Variants in OTUD7A observed in about 807,000 individuals in gnomAD.
OTUD7A encodes the protein OTU domain-containing protein 7A.
A neutral mutation model predicts 65.7 loss-of-function variants in OTUD7A; 12 were observed. The ratio of observed to expected loss-of-function variants is 0.18; its 90% confidence interval spans 0.12 to 0.30. The LOEUF is 0.30. Ranked by LOEUF, OTUD7A falls within the 10% of genes least tolerant of loss-of-function variation. OTUD7A has a pLI of 1.00. For synonymous variants in OTUD7A, 641 were observed against 586.3 expected (o/e 1.09, Z -1.35); for missense variants, 1,148 against 1,304.8 (o/e 0.88, Z 1.85).
At position 31,477,668 on chromosome 15, in the gene OTUD7A, C is replaced by T. The variant is rs997327580; in HGVS notation, c.*5626G>A. The T allele has an allele frequency of 3.9e-5, 6 of 152,190 alleles. No homozygotes were observed. Among genetic ancestry groups the T allele is most frequent in the African/African-American group, 4.8e-5 (2 of 41,440 alleles). 9.4% of individuals were successfully genotyped at this position (152,190 alleles called of 1,614,324 possible). ...AGTTTTCAATTTACTGATTTAATTT[C>T]CTTTTTTCAATAAATACTTATCCAG... is the stretch of plus-strand genomic sequence containing the variant. On this transcript the variant is annotated 3_prime_UTR_variant, in exon 13 of 13. Coordinates refer to ENST00000307050, the MANE Select transcript of OTUD7A (RefSeq NM_001382637.1).
At chr15:31,811,282 C>G (rs989845502) in intron 1 of OTUD7A, among the ~76,000 whole-genome samples, 1 of 151,652 alleles carries the variant, frequency 6.6e-6, no homozygotes, top group Non-Finnish European at 1.5e-5. Flanking sequence ...ATTATTGAGA[C>G]CTTTTGGTTG....
Position 31,762,017 on chromosome 15 carries a change from A to T in OTUD7A, c.-99-104940T>A, listed in dbSNP as rs1894978164. Among the ~76,000 whole-genome samples, 3 of 152,362 alleles carry T rather than the reference A, an allele frequency of 2.0e-5. No homozygotes were observed. In the South Asian group the frequency reaches 6.2e-4, roughly 32 times the overall value. Reference sequence around the variant, plus strand: ...GGGGCATGTGTGTAAGTCACTGGTAATGGGTAAGAATTTCTTTTTGGGGTA... The same window carrying T: ...GGGGCATGTGTGTAAGTCACTGGTATTGGGTAAGAATTTCTTTTTGGGGTA... On this transcript the variant is annotated intron_variant, in intron 1 of 12. Coordinates refer to ENST00000307050, the MANE Select transcript of OTUD7A (RefSeq NM_001382637.1).
chr15:31,517,486 G>A (rs1485630435), intron 8 of OTUD7A, among the ~76,000 whole-genome samples: 3 of 152,126 alleles, frequency 2.0e-5, no homozygotes, highest in East Asian at 3.9e-4. Context: ...CTGGCCACTG[G>A]GCAAAGACAT....
rs551944204 is a variant in OTUD7A at position 31,605,418 on chromosome 15, C to A, written c.152-35221G>T. ...CACATGGGACCACAGGCATTTGGCA[C>A]CTGAGTTCTCTCCTCTGAAACATCA... On this transcript the variant is annotated intron_variant, in intron 3 of 12. Transcript: ENST00000307050. Among the ~76,000 whole-genome samples the A allele has an allele frequency of 2.0e-5, 3 of 152,250 alleles. No individual in the cohort carries two copies. The East Asian group carries it at 5.8e-4, about 29-fold the overall frequency.
chr15:31,852,099 C>T (rs988912933), intron 1 of OTUD7A, among the ~76,000 whole-genome samples: 8 of 152,160 alleles, frequency 5.3e-5, no homozygotes, highest in African/African-American at 1.9e-4. Flanking sequence ...CCTCATGATC[C>T]GCCCTCCTTG....
At chr15:31,627,457 A>G (rs1371663933) in intron 3 of OTUD7A, among the ~76,000 whole-genome samples, 1 of 152,104 alleles carries the variant, frequency 6.6e-6, no homozygotes, top group East Asian at 1.9e-4. Flanking sequence ...TCCATGGTGT[A>G]TATGTACCAC....
intron 5 of OTUD7A, among the ~76,000 whole-genome samples, chr15:31,554,385 C>T (rs779585877): frequency 2.0e-5 from 3 of 152,174 alleles, no homozygotes; most frequent in Non-Finnish European, 2.9e-5. Flanking sequence ...ATTTGGCCGC[C>T]GTTACACATC....
intron 1 of OTUD7A, among the ~76,000 whole-genome samples, chr15:31,800,730 C>T (rs1228567816): frequency 6.6e-6 from 1 of 152,196 alleles, no homozygotes; most frequent in African/African-American, 2.4e-5. Flanking sequence ...GAAGGTGATA[C>T]TGCACCTAGT....
intron 5 of OTUD7A, among the ~76,000 whole-genome samples, chr15:31,540,787 T>C (rs1338073682): frequency 6.6e-6 from 1 of 152,194 alleles, no homozygotes; most frequent in African/African-American, 2.4e-5. Flanking sequence ...AAAAGGTACC[T>C]TTATACACCA....
intron 1 of OTUD7A, among the ~76,000 whole-genome samples, chr15:31,808,201 A>G (rs1327774926): frequency 6.6e-6 from 1 of 151,840 alleles, no homozygotes; most frequent in Non-Finnish European, 1.5e-5. Flanking sequence ...AAGAATTGAC[A>G]CTCCATCAGC....
intron 5 of OTUD7A, among the ~76,000 whole-genome samples, chr15:31,545,471 A>T (rs1888102043): frequency 6.6e-6 from 1 of 152,110 alleles, no homozygotes; most frequent in African/African-American, 2.4e-5. Context: ...AGTGAGTGAA[A>T]AGGGAACCAG....
rs763989435 is a variant in OTUD7A at position 31,484,203 on chromosome 15, G to A, written c.1893C>T (p.Ile631=). The A allele has an allele frequency of 2.1e-4, 335 of 1,608,924 alleles. 1 individual carries two copies. Among genetic ancestry groups the A allele is most frequent in the Non-Finnish European group, 2.6e-4 (306 of 1,179,020 alleles). ...GCTCCCCCTGCATGGCGGCGCGCAG[G>A]ATGTTGAGGCTCAGCTTCACATCCG... is the stretch of plus-strand genomic sequence containing the variant. The part of the protein sequence containing the change: ...YSTDVKLSLN[I]LRAAMQGERK... The change falls in exon 13 of 13, where the codon ATC becomes ATT. Residue 631 remains isoleucine, a synonymous_variant. Coordinates refer to ENST00000307050, the MANE Select transcript of OTUD7A (RefSeq NM_001382637.1). The surrounding 1 kb of genome is among the most constrained non-coding windows in gnomAD (Gnocchi z 4.5).
At chr15:31,528,777 G>A (rs2042049065) in intron 6 of OTUD7A, among the ~76,000 whole-genome samples, 1 of 152,268 alleles carries the variant, frequency 6.6e-6, no homozygotes, top group Admixed American at 6.5e-5. Context: ...TCAACGTCAG[G>A]CCAGGCCAAC....
At chr15:31,503,951 C>T in intron 8 of OTUD7A, 133 bp from the exon 9 acceptor site, 2 of 1,054,570 alleles carry the variant, frequency 1.9e-6, no homozygotes, top group Non-Finnish European at 2.7e-6. Flanking sequence ...GGCAGCTGCG[C>T]CATCCTGGGC....
At chr15:31,564,287 A>G (rs984670489) in intron 4 of OTUD7A, among the ~76,000 whole-genome samples, 3 of 152,064 alleles carry the variant, frequency 2.0e-5, no homozygotes, top group Admixed American at 1.3e-4. Flanking sequence ...TTAATCTACT[A>G]AATGAAAATT....
At chr15:31,764,633 TA>T (rs1895052821) in intron 1 of OTUD7A, among the ~76,000 whole-genome samples, 1 of 152,164 alleles carries the variant, frequency 6.6e-6, no homozygotes, top group East Asian at 1.9e-4. Flanking sequence ...TCTTGACACT[TA>T]TAAAAATGTT....
intron 1 of OTUD7A, among the ~76,000 whole-genome samples, chr15:31,731,176 G>A (rs1595732613): frequency 6.6e-6 from 1 of 152,060 alleles, no homozygotes; most frequent in Admixed American, 6.6e-5. Flanking sequence ...TTCTCTAAAG[G>A]GTGATCTCTT....
chr15:31,602,484 C>A (rs558131377), intron 3 of OTUD7A, among the ~76,000 whole-genome samples: 68 of 152,162 alleles, frequency 4.5e-4, no homozygotes, highest in African/African-American at 1.6e-3. Flanking sequence ...TATGACAAAC[C>A]CAGAGCTAAC....
chr15:31,626,942 C>G (rs1369855701), intron 3 of OTUD7A, among the ~76,000 whole-genome samples: 1 of 134,552 alleles, frequency 7.4e-6, no homozygotes, highest in African/African-American at 3.1e-5. Flanking sequence ...TTAAAGATTA[C>G]TTTATTGTTA....
Sources: gnomAD v4.1 joint callset for allele counts (sites outside exome capture counted in the v4.1 genomes callset) on GRCh38, gnomAD v4.1.1 for gene constraint, Gnocchi (gnomAD v3.1) non-coding constraint, MANE v1.5 for transcripts, NCBI Gene and HGNC (gene_info 2026-07-23, HGNC 2026-07-21) for gene names.